Variants in GRIP1 observed in about 807,000 individuals in gnomAD.
The protein encoded by GRIP1 is glutamate receptor interacting protein 1.
In GRIP1, 45 loss-of-function variants were observed where a neutral mutation model predicts 129.9. The ratio of observed to expected loss-of-function variants is 0.35; its 90% CI spans 0.27 to 0.44. The LOEUF (loss-of-function observed/expected upper bound fraction) is 0.44, where lower values mean the gene tolerates loss of function less well. Among genes scored for constraint, GRIP1 ranks in the 20% least tolerant of loss-of-function variants. GRIP1 has a pLI of 1.00. For missense variants in GRIP1, 1,196 were observed against 1,396.8 expected (o/e 0.86, Z 2.29); for synonymous variants, 530 against 520.8 (o/e 1.02, Z -0.24).
chr12:66,478,020 T>C (rs1565782628), intron 7 of GRIP1, among the ~76,000 whole-genome samples: 1 of 152,102 alleles, frequency 6.6e-6, no homozygotes, highest in Non-Finnish European at 1.5e-5. Flanking sequence ...AAGCCAAAAT[T>C]GACAAATGGG....
chr12:66,401,598 G>GTGTGTATATATATATATATATATATA (rs71096098), intron 16 of GRIP1, among the ~76,000 whole-genome samples: 1 of 66,262 alleles, frequency 1.5e-5, no homozygotes, highest in African/African-American at 6.1e-5. Context: ...AAATATGTGT[G>GTGTGTATATATATATATATATATATA]TATATATATA....
rs1156715551 is a variant in GRIP1 at position 66,730,995 on chromosome 12, T to A, written c.-420+73058A>T. Among the ~76,000 whole-genome samples the A allele has an allele frequency of 2.0e-5, 3 of 152,142 alleles. No individual in the cohort carries two copies. The East Asian group carries it at 5.8e-4, about 29-fold the overall frequency. On this transcript the variant is annotated intron_variant, in intron 1 of 4. Coordinates refer to the GRIP1 transcript ENST00000538373. ...TTATTAACCTTAAAATAAAAGCTGTTTTTATCATTGTTGGTTAAATAACAA... is the reference window on the plus strand; with the variant it reads ...TTATTAACCTTAAAATAAAAGCTGTATTTATCATTGTTGGTTAAATAACAA...
rs572078914 is a variant in GRIP1 at position 66,871,387 on chromosome 12, A to C, written c.58+197663T>G. 2.0e-5 allele frequency among the ~76,000 whole-genome samples: 3 copies of C among 152,262 alleles called. No homozygotes were observed. The South Asian group carries it at 6.2e-4, about 32-fold the overall frequency. ...ACTAAAATCTCTATCAATGCATAAG[A>C]AAGAAGATTTAGTATCAGACTACCT... is the stretch of plus-strand genomic sequence containing the variant. On this transcript the variant is annotated intron_variant, in intron 1 of 1. Transcript: ENST00000643019.
intron 1 of GRIP1, among the ~76,000 whole-genome samples, chr12:66,724,678 C>G (rs2036195881): frequency 1.3e-5 from 2 of 152,142 alleles, no homozygotes; most frequent in South Asian, 4.1e-4. Context: ...AGAAATTACT[C>G]CATGTTTCTG....
intron 5 of GRIP1, among the ~76,000 whole-genome samples, chr12:66,518,555 T>G (rs999048951): frequency 2.6e-5 from 4 of 152,206 alleles, no homozygotes; most frequent in Non-Finnish European, 4.4e-5. Context: ...AGAAAACTTC[T>G]CCACAAGAAT....
intron 1 of GRIP1, among the ~76,000 whole-genome samples, chr12:66,650,235 T>C (rs1164538468): frequency 6.6e-6 from 1 of 151,808 alleles, no homozygotes; most frequent in Non-Finnish European, 1.5e-5. Flanking sequence ...CTCTTAAAAG[T>C]ATTCTTAAAA....
chr12:67,031,091 A>G (rs1288406242), intron 1 of GRIP1, among the ~76,000 whole-genome samples: 2 of 152,188 alleles, frequency 1.3e-5, no homozygotes, highest in Non-Finnish European at 2.9e-5. Flanking sequence ...AGAATGTCAC[A>G]AAATTAGTGC....
chr12:67,043,626 TG>T (rs925181304), intron 1 of GRIP1, among the ~76,000 whole-genome samples: 4 of 152,138 alleles, frequency 2.6e-5, no homozygotes, highest in Non-Finnish European at 4.4e-5. Context: ...TTCTCACAGT[TG>T]GGGCATCATC....
At chr12:66,455,821 A>G (rs966168557) in intron 10 of GRIP1, among the ~76,000 whole-genome samples, 1 of 152,248 alleles carries the variant, frequency 6.6e-6, no homozygotes, top group African/African-American at 2.4e-5. Context: ...TAAACAAACA[A>G]AAGAACAACT....
intron 1 of GRIP1, among the ~76,000 whole-genome samples, chr12:66,883,466 G>A (rs1790753397): frequency 2.0e-5 from 3 of 152,158 alleles, no homozygotes; most frequent in African/African-American, 7.2e-5. Flanking sequence ...GTACAGCCCT[G>A]ACCATGTTTA....
chr12:66,629,935 C>T (rs944787906), intron 1 of GRIP1, among the ~76,000 whole-genome samples: 1 of 152,106 alleles, frequency 6.6e-6, no homozygotes, highest in African/African-American at 2.4e-5. Context: ...CTTTGAATCT[C>T]GGGTTTTTAC....
chr12:66,827,564 ACACT>A (rs1209530035), intron 1 of GRIP1, among the ~76,000 whole-genome samples: 1 of 152,156 alleles, frequency 6.6e-6, no homozygotes, highest in African/African-American at 2.4e-5. Flanking sequence ...GGTGCTATCC[ACACT>A]CAAGGGGAGG....
intron 1 of GRIP1, among the ~76,000 whole-genome samples, chr12:66,758,784 A>G (rs1449344322): frequency 6.6e-6 from 1 of 152,148 alleles, no homozygotes; most frequent in African/African-American, 2.4e-5. Flanking sequence ...TCAAATTTTA[A>G]AGGTACAAAA....
intron 1 of GRIP1, among the ~76,000 whole-genome samples, chr12:66,986,120 C>G (rs2042307336): frequency 1.3e-5 from 2 of 152,248 alleles, no homozygotes; most frequent in African/African-American, 4.8e-5. Flanking sequence ...ACATCACAAT[C>G]CAAGCAAGTG....
At chr12:66,505,947 C>T (rs1299454216) in intron 7 of GRIP1, among the ~76,000 whole-genome samples, 1 of 152,128 alleles carries the variant, frequency 6.6e-6, no homozygotes, top group African/African-American at 2.4e-5. Context: ...TTAAAAGGTA[C>T]TCAACATTCT....
upstream of GRIP1, among the ~76,000 whole-genome samples, chr12:66,679,444 CAAAAAA>C (rs10691128): frequency 0.33 from 38,290 of 117,428 alleles, 5,577 homozygotes; most frequent in Middle Eastern, 0.49. Context: ...AAACAACAAC[CAAAAAA>C]AAAAAAAAAA....
chr12:66,998,428 A>AT (rs1402672878), intron 1 of GRIP1, among the ~76,000 whole-genome samples: 1 of 136,010 alleles, frequency 7.4e-6, no homozygotes, highest in Non-Finnish European at 1.7e-5. Flanking sequence ...TGATAAAAAA[A>AT]AATATATATT....
At chr12:66,765,572 A>G (rs180756143) in intron 1 of GRIP1, among the ~76,000 whole-genome samples, 5 of 152,308 alleles carry the variant, frequency 3.3e-5, no homozygotes, top group Admixed American at 2.0e-4. Flanking sequence ...GTGGGTTGGG[A>G]TATCTAATCC....
intron 2 of GRIP1, among the ~76,000 whole-genome samples, chr12:66,571,891 T>G (rs2062972080): frequency 6.6e-6 from 1 of 152,142 alleles, no homozygotes. Context: ...GCAGAGGGTG[T>G]ATTTGAGTGT....
Sources: allele counts gnomAD v4.1 joint callset (sites outside exome capture counted in the v4.1 genomes callset), GRCh38; gene constraint gnomAD v4.1.1; transcripts MANE v1.5; gene names NCBI Gene and HGNC (gene_info 2026-07-23, HGNC 2026-07-21).